CNTN5: variants seen among roughly 807,000 people sequenced by gnomAD.
CNTN5 encodes the protein contactin 5, also known as contactin-5.
CNTN5 carries 77 observed loss-of-function variants against 129.1 expected under a neutral mutation model. The ratio of observed to expected loss-of-function variants is 0.60; its 90% confidence interval spans 0.50 to 0.72. CNTN5 has a LOEUF of 0.72. Ranked by LOEUF, CNTN5 falls within the 30% of genes least tolerant of loss-of-function variation. The pLI is 0.00. For synonymous variants in CNTN5, 509 were observed against 465.6 expected, an observed-to-expected ratio of 1.09 and a Z score of -1.20; for missense variants, 1,478 against 1,328.8, an observed-to-expected ratio of 1.11 and a Z score of -1.75.
chr11:100,033,302 G>A (rs1591091134), intron 9 of CNTN5, among the ~76,000 whole-genome samples: 1 of 152,236 alleles, frequency 6.6e-6, no homozygotes, highest in African/African-American at 2.4e-5. Flanking sequence ...ATAAAACAGA[G>A]TAAAATAAGG....
intron 10 of CNTN5, 116 bp from the exon 11 acceptor site, chr11:100,070,308 T>G: frequency 9.4e-7 from 1 of 1,063,248 alleles, no homozygotes; most frequent in South Asian, 1.7e-5. Flanking sequence ...TCAAAATACC[T>G]ATGGTTGAAT....
At chr11:99,319,343 C>T (rs1865468832) in intron 1 of CNTN5, among the ~76,000 whole-genome samples, 1 of 152,154 alleles carries the variant, frequency 6.6e-6, no homozygotes, top group African/African-American at 2.4e-5. Flanking sequence ...TGATAGTCGC[C>T]CATTGGTGTT....
chr11:100,046,133 G>C (rs183124433), intron 9 of CNTN5, among the ~76,000 whole-genome samples: 2 of 139,158 alleles, frequency 1.4e-5, no homozygotes, highest in Non-Finnish European at 3.1e-5. Flanking sequence ...TCTGGGGACT[G>C]TTGTGGAGTT....
chr11:99,613,252 C>G (rs1950645564), intron 3 of CNTN5, among the ~76,000 whole-genome samples: 1 of 152,110 alleles, frequency 6.6e-6, no homozygotes, highest in Admixed American at 6.6e-5. Flanking sequence ...GCGGTTTTCC[C>G]CGTGCTGTTC....
chr11:99,483,693 G>GGT (rs113512403), intron 2 of CNTN5, among the ~76,000 whole-genome samples: 7,516 of 151,812 alleles, frequency 0.05, 199 homozygotes, highest in South Asian at 0.083. Flanking sequence ...GGGTTGCGGG[G>GGT]GTGTGCTCTA....
chr11:100,017,975 T>C (rs1005056434), intron 9 of CNTN5, among the ~76,000 whole-genome samples: 2 of 152,000 alleles, frequency 1.3e-5, no homozygotes, highest in Admixed American at 1.3e-4. Flanking sequence ...TGGTTATTGT[T>C]TGACTTTTGT....
At chr11:99,279,001 A>G (rs1863574853) in intron 1 of CNTN5, among the ~76,000 whole-genome samples, 1 of 151,664 alleles carries the variant, frequency 6.6e-6, no homozygotes, top group African/African-American at 2.4e-5. Flanking sequence ...GTATAATGTC[A>G]AGTGAAAATA....
intron 3 of CNTN5, among the ~76,000 whole-genome samples, chr11:99,616,084 G>A (rs1051583247): frequency 6.6e-6 from 1 of 152,016 alleles, no homozygotes; most frequent in African/African-American, 2.4e-5. Flanking sequence ...CTCCATGTAA[G>A]CATTGTATGT....
chr11:99,598,233 T>C (rs1950183392), intron 3 of CNTN5, among the ~76,000 whole-genome samples: 1 of 87,860 alleles, frequency 1.1e-5, no homozygotes, highest in African/African-American at 4.0e-5. Context: ...CTTCCTCCCT[T>C]CTTTCCTTCC....
intron 2 of CNTN5, among the ~76,000 whole-genome samples, chr11:99,427,901 C>A (rs1267905780): frequency 6.6e-6 from 1 of 151,128 alleles, no homozygotes; most frequent in East Asian, 1.9e-4. Context: ...CAAACCCAAT[C>A]TCTAGAAAGA....
intron 1 of CNTN5, among the ~76,000 whole-genome samples, chr11:99,318,373 C>G (rs1428092331): frequency 6.6e-6 from 1 of 152,062 alleles, no homozygotes; most frequent in Non-Finnish European, 1.5e-5. Context: ...GGGGTTCTTT[C>G]TAGAACAACA....
chr11:99,178,359 CACACACACAA>C (rs1166101707), intron 1 of CNTN5, among the ~76,000 whole-genome samples: 5 of 132,376 alleles, frequency 3.8e-5, no homozygotes, highest in Non-Finnish European at 8.4e-5. Context: ...CACACACACA[CACACACACAA>C]AATTAGCCAG....
intron 3 of CNTN5, among the ~76,000 whole-genome samples, chr11:99,744,265 G>A (rs1018156702): frequency 6.6e-6 from 1 of 151,938 alleles, no homozygotes; most frequent in African/African-American, 2.4e-5. Context: ...AGTATTAACT[G>A]CTCTTCAAAA....
intron 16 of CNTN5, among the ~76,000 whole-genome samples, chr11:100,240,432 G>A (rs1020683404): frequency 2.0e-5 from 3 of 152,178 alleles, no homozygotes; most frequent in Non-Finnish European, 4.4e-5. Flanking sequence ...CAGTTGTATA[G>A]CAGAAATCCT....
At position 100,002,155 on chromosome 11, in the gene CNTN5, A is replaced by G. The variant is rs202038646; in HGVS notation, c.980+19A>G. 6 of 1,405,780 alleles carry G rather than the reference A, an allele frequency of 4.3e-6. No homozygotes were observed. The highest frequency in any genetic ancestry group is 5.3e-5 in the East Asian group (2 of 37,674). 87.1% of individuals were successfully genotyped at this position (1,405,780 alleles called of 1,614,324 possible). On this transcript the variant is annotated intron_variant, in intron 9 of 24. Coordinates refer to ENST00000524871, the MANE Select transcript of CNTN5 (RefSeq NM_014361.4). ...TTGGCAAGTAAGTACATGTTCTTCC[A>G]TAATTAAACACAATTTTTTATTAAA...
chr11:99,331,448 T>C (rs1297709622), intron 2 of CNTN5, among the ~76,000 whole-genome samples: 2 of 152,108 alleles, frequency 1.3e-5, no homozygotes, highest in African/African-American at 2.4e-5. Context: ...ATAATTTAAT[T>C]ACCTCAACAT....
chr11:99,285,134 G>A (rs565091293), intron 1 of CNTN5, among the ~76,000 whole-genome samples: 16 of 152,200 alleles, frequency 1.1e-4, no homozygotes, highest in African/African-American at 3.9e-4. Flanking sequence ...CTTCCAGGTA[G>A]GCACCTAGTG....
At chr11:99,276,500 T>A (rs1172134346) in intron 1 of CNTN5, among the ~76,000 whole-genome samples, 1 of 151,642 alleles carries the variant, frequency 6.6e-6, no homozygotes, top group Non-Finnish European at 1.5e-5. Context: ...TCACTCTTGC[T>A]TTGTGATCAC....
At chr11:100,213,088 G>A (rs11223252) in intron 15 of CNTN5, among the ~76,000 whole-genome samples, 11,226 of 151,984 alleles carry the variant, frequency 0.074, 423 homozygotes, top group Admixed American at 0.083. Context: ...TTCTCTAAAA[G>A]CAACGATAAG....
Sources: allele counts gnomAD v4.1 joint callset (sites outside exome capture counted in the v4.1 genomes callset), GRCh38; gene constraint gnomAD v4.1.1; transcripts MANE v1.5; gene names NCBI Gene and HGNC (gene_info 2026-07-23, HGNC 2026-07-21).